The following PLPPR1 variants were observed in gnomAD, a reference collection of about 807,000 sequenced individuals.
PLPPR1 encodes phospholipid phosphatase-related protein type 1.
PLPPR1 carries 10 observed loss-of-function variants against 33.1 expected under a neutral mutation model. The observed-to-expected ratio is 0.30, with a 90% CI of 0.19 to 0.51. The LOEUF is 0.51. Among genes scored for constraint, PLPPR1 ranks in the 20% least tolerant of loss-of-function variants. The probability of loss-of-function intolerance (pLI) is 0.97; values close to 1 mark genes in which losing one functional copy is unlikely to be tolerated. For synonymous variants in PLPPR1, 151 were observed against 151.0 expected (o/e 1.00, Z 0.00); for missense variants, 304 against 408.1 (o/e 0.74, Z 2.20).
chr9:101,126,148 G>C (rs570848447), intron 1 of PLPPR1, among the ~76,000 whole-genome samples: 1 of 152,304 alleles, frequency 6.6e-6, no homozygotes, highest in East Asian at 1.9e-4. Context: ...AGCCTTTCCT[G>C]TTGGATTAGT....
chr9:101,094,449 C>G (rs1417587884), intron 1 of PLPPR1, among the ~76,000 whole-genome samples: 1 of 152,100 alleles, frequency 6.6e-6, no homozygotes, highest in African/African-American at 2.4e-5. Flanking sequence ...CTGGAGCACA[C>G]CCACCTCACC....
intron 1 of PLPPR1, among the ~76,000 whole-genome samples, chr9:101,160,271 G>A (rs549957051): frequency 1.4e-4 from 21 of 152,246 alleles, no homozygotes; most frequent in Non-Finnish European, 2.2e-4. Context: ...TACTGAACAG[G>A]TCACTTAGCC....
chr9:101,029,689 C>A (rs1415119667), intron 1 of PLPPR1, among the ~76,000 whole-genome samples: 1 of 152,166 alleles, frequency 6.6e-6, no homozygotes. Flanking sequence ...CATCGAGCTC[C>A]GGTGCCAAAG....
chr9:101,188,214 ATTC>A (rs796270983), intron 2 of PLPPR1, among the ~76,000 whole-genome samples: 7 of 152,158 alleles, frequency 4.6e-5, no homozygotes, highest in African/African-American at 1.7e-4. Context: ...TGCAGAAAAT[ATTC>A]TTATTTTTGT....
chr9:101,288,282 G>T (rs558722753), intron 4 of PLPPR1, among the ~76,000 whole-genome samples: 1 of 152,058 alleles, frequency 6.6e-6, no homozygotes, highest in South Asian at 2.1e-4. Context: ...AAAGACCACC[G>T]TTAAAGTAGA....
intron 7 of PLPPR1, 80 bp downstream of exon 7, chr9:101,317,576 T>A: frequency 7.4e-7 from 1 of 1,347,002 alleles, no homozygotes; most frequent in Non-Finnish European, 1.0e-6. Context: ...GAATACCACT[T>A]AATCTACCCA....
chr9:101,163,148 T>C (rs1164426935), intron 1 of PLPPR1, among the ~76,000 whole-genome samples: 1 of 152,210 alleles, frequency 6.6e-6, no homozygotes, highest in Non-Finnish European at 1.5e-5. Flanking sequence ...AAGGAGAATG[T>C]TTAATAAGTA....
chr9:101,269,773 A>G (rs1269005554), intron 2 of PLPPR1, 107 bp from the exon 3 acceptor site: 2 of 1,060,592 alleles, frequency 1.9e-6, no homozygotes, highest in South Asian at 1.3e-5. Context: ...CGCCAATACC[A>G]ATATCAGGAG....
chr9:101,243,688 A>T (rs867665647), intron 2 of PLPPR1, among the ~76,000 whole-genome samples: 1 of 151,942 alleles, frequency 6.6e-6, no homozygotes. Context: ...GGAGATGTTA[A>T]GTGTGGATTA....
intron 3 of PLPPR1, 92 bp from the exon 4 acceptor site, chr9:101,286,012 G>A (rs1379347785): frequency 2.1e-6 from 2 of 937,426 alleles, no homozygotes; most frequent in East Asian, 4.8e-5. Flanking sequence ...ATGATTGTGG[G>A]TCCTCAACAG....
At chr9:101,183,597 A>G (rs995088876) in intron 1 of PLPPR1, among the ~76,000 whole-genome samples, 1 of 151,606 alleles carries the variant, frequency 6.6e-6, no homozygotes, top group African/African-American at 2.4e-5. Flanking sequence ...AAGTTGCACA[A>G]TTTGGTAAAT....
At chr9:101,310,947 C>T (rs1377978718) in intron 5 of PLPPR1, among the ~76,000 whole-genome samples, 1 of 152,134 alleles carries the variant, frequency 6.6e-6, no homozygotes, top group Non-Finnish European at 1.5e-5. Flanking sequence ...TTATCAAAAA[C>T]AAAACCAAAC....
intron 1 of PLPPR1, among the ~76,000 whole-genome samples, chr9:101,169,164 A>C (rs1825902633): frequency 6.6e-6 from 1 of 152,090 alleles, no homozygotes; most frequent in African/African-American, 2.4e-5. Context: ...CCAATGTCTC[A>C]TCCCTTTTGG....
intron 1 of PLPPR1, among the ~76,000 whole-genome samples, chr9:101,064,909 C>T (rs1488230468): frequency 9.2e-5 from 14 of 151,974 alleles, no homozygotes; most frequent in Admixed American, 8.5e-4. Flanking sequence ...AACCCATTCT[C>T]ATGATAATTG....
chr9:101,176,419 A>G (rs754759751), intron 1 of PLPPR1, among the ~76,000 whole-genome samples: 2 of 152,336 alleles, frequency 1.3e-5, no homozygotes, highest in Non-Finnish European at 2.9e-5. Flanking sequence ...TCCAACAGGC[A>G]GTAATGAGGC....
At chr9:101,033,680 G>A (rs932188893) in intron 1 of PLPPR1, among the ~76,000 whole-genome samples, 1 of 152,116 alleles carries the variant, frequency 6.6e-6, no homozygotes, top group South Asian at 2.1e-4. Context: ...AGTCCCAACT[G>A]TGCCAGGACT....
At chr9:101,202,197 G>C (rs967968298) in intron 2 of PLPPR1, among the ~76,000 whole-genome samples, 2 of 152,308 alleles carry the variant, frequency 1.3e-5, no homozygotes, top group African/African-American at 4.8e-5. Context: ...TGCTTCCAAG[G>C]AAAATTAAGA....
intron 1 of PLPPR1, among the ~76,000 whole-genome samples, chr9:101,082,013 A>G (rs1285167933): frequency 6.6e-6 from 1 of 152,226 alleles, no homozygotes; most frequent in African/African-American, 2.4e-5. Flanking sequence ...ATCTTTAGAT[A>G]TTGAAGAGTT....
At chr9:101,038,920 T>C (rs1222169332) in intron 1 of PLPPR1, among the ~76,000 whole-genome samples, 3 of 152,234 alleles carry the variant, frequency 2.0e-5, no homozygotes, top group South Asian at 2.1e-4. Flanking sequence ...AGCTGTAATA[T>C]TGAGATCAGG....
Sources: gnomAD v4.1 joint callset for allele counts (sites outside exome capture counted in the v4.1 genomes callset) on GRCh38, gnomAD v4.1.1 for gene constraint, MANE v1.5 for transcripts, NCBI Gene and HGNC (gene_info 2026-07-23, HGNC 2026-07-21) for gene names.